Variants in PCDHA6 observed in about 807,000 individuals in gnomAD.
PCDHA6 encodes the protein protocadherin alpha-6.
A neutral mutation model predicts 60.3 loss-of-function variants in PCDHA6; 55 were observed. The ratio of observed to expected loss-of-function variants is 0.91; its 90% CI spans 0.73 to 1.14. PCDHA6 has a LOEUF of 1.14. Ranked by LOEUF, PCDHA6 falls within the 50% of genes most tolerant of loss-of-function variation. The pLI is 0.00. For synonymous variants in PCDHA6, 652 were observed against 557.9 expected (o/e 1.17, Z -2.38); for missense variants, 1,327 against 1,256.5 (o/e 1.06, Z -0.85).
chr5:140,849,774 G>GTA (rs2150449432), intron 1 of PCDHA6: 1 of 1,598,482 alleles, frequency 6.3e-7, no homozygotes, highest in Non-Finnish European at 8.6e-7. Context: ...GGTGGTTACC[G>GTA]CGCGGGACGG....
intron 1 of PCDHA6, among the ~76,000 whole-genome samples, chr5:140,911,469 A>T (rs1365800005): frequency 3.3e-5 from 5 of 151,880 alleles, no homozygotes; most frequent in African/African-American, 9.7e-5. Context: ...AGGAGATAAG[A>T]CTCTCACTCA....
chr5:140,899,249 G>A (rs1256693010), intron 1 of PCDHA6, among the ~76,000 whole-genome samples: 9 of 152,122 alleles, frequency 5.9e-5, no homozygotes, highest in African/African-American at 2.2e-4. Context: ...TGGTGAGAGA[G>A]GGCATCCCTG....
intron 1 of PCDHA6, among the ~76,000 whole-genome samples, chr5:140,922,507 C>G (rs2080870221): frequency 1.3e-5 from 2 of 152,154 alleles, no homozygotes; most frequent in Non-Finnish European, 2.9e-5. Flanking sequence ...AGCAGATGCA[C>G]CATTATTTCA....
intron 1 of PCDHA6, among the ~76,000 whole-genome samples, chr5:140,887,189 C>T (rs1268664594): frequency 6.6e-6 from 1 of 151,836 alleles, no homozygotes; most frequent in Non-Finnish European, 1.5e-5. Context: ...CTCCACCTCC[C>T]GGGTTCACGC....
At chr5:140,930,420 A>T (rs996872425) in intron 1 of PCDHA6, 2 of 151,962 alleles carry the variant, frequency 1.3e-5, no homozygotes, top group Non-Finnish European at 2.9e-5. Context: ...CAGGGGTCTC[A>T]CTATGTTGCC....
At chr5:140,873,722 G>A (rs371744747) in intron 1 of PCDHA6, among the ~76,000 whole-genome samples, 2 of 152,198 alleles carry the variant, frequency 1.3e-5, no homozygotes, top group South Asian at 2.1e-4. Flanking sequence ...GTGCAGTGGC[G>A]CAATCTCAGC....
intron 3 of PCDHA6, among the ~76,000 whole-genome samples, chr5:140,991,081 AAAATT>A (rs782742337): frequency 6.6e-6 from 1 of 152,236 alleles, no homozygotes. Flanking sequence ...TTCAGATAAA[AAAATT>A]AAAGCTCATA....
At position 140,963,092 on chromosome 5, in the gene PCDHA6, C is replaced by T. The variant is rs1202521389; in HGVS notation, c.2395-15857C>T. Among the ~76,000 whole-genome samples, 3 of 151,976 alleles carry T rather than the reference C, an allele frequency of 2.0e-5. No homozygotes were observed. The South Asian group carries it at 6.2e-4, about 32-fold the overall frequency. On this transcript the variant is annotated intron_variant, in intron 1 of 3. Transcript: ENST00000529310. Reference sequence around the variant, plus strand: ...GGAGACAGAAATATAAGACATGGCTCCTGCTTTCAGGTTGCTTATAATTAA... The same window carrying T: ...GGAGACAGAAATATAAGACATGGCTTCTGCTTTCAGGTTGCTTATAATTAA...
At chr5:140,835,660 C>T (rs1773814607) in intron 1 of PCDHA6, 8 of 1,613,932 alleles carry the variant, frequency 5.0e-6, no homozygotes, top group Middle Eastern at 1.7e-4. Flanking sequence ...CTGGTGGTTA[C>T]CGCGCGGGAC....
chr5:140,985,739 C>CTTTT (rs11372071), intron 3 of PCDHA6, among the ~76,000 whole-genome samples: 9 of 117,918 alleles, frequency 7.6e-5, no homozygotes, highest in East Asian at 2.5e-4. Flanking sequence ...TGATGAATTC[C>CTTTT]TTTTTTTTTT....
Position 140,828,802 on chromosome 5 carries a change from T to C in PCDHA6, c.711T>C (p.Asp237=), listed in dbSNP as rs2150159196. The C allele has an allele frequency of 2.6e-5, 42 of 1,614,232 alleles. No individual in the cohort carries two copies. The highest frequency in any genetic ancestry group is 3.5e-5 in the Non-Finnish European group (41 of 1,180,038). Residue 237 remains aspartate (D), a synonymous_variant, in exon 1 of 4, where the codon GAT becomes GAC. Transcript: ENST00000529310. The part of the protein sequence containing the change: ...QLLVTVLDVN[D]NAPTFEQSEY... ...TGGTCACAGTGCTGGATGTGAATGA[T>C]AATGCTCCCACTTTCGAACAGTCTG... is the stretch of plus-strand genomic sequence containing the variant.
At chr5:140,879,084 G>T (rs927310887) in intron 1 of PCDHA6, among the ~76,000 whole-genome samples, 1 of 152,174 alleles carries the variant, frequency 6.6e-6, no homozygotes, top group Non-Finnish European at 1.5e-5. Flanking sequence ...AGATAAGTAG[G>T]AACAACTGCA....
At chr5:140,962,676 G>C (rs1201696145) in intron 1 of PCDHA6, among the ~76,000 whole-genome samples, 1 of 152,126 alleles carries the variant, frequency 6.6e-6, no homozygotes, top group Non-Finnish European at 1.5e-5. Context: ...CCATCCACTG[G>C]ATGTTTTATC....
chr5:140,915,542 G>T (rs1253663657), intron 1 of PCDHA6, among the ~76,000 whole-genome samples: 2 of 152,030 alleles, frequency 1.3e-5, no homozygotes, highest in Admixed American at 6.6e-5. Context: ...TGGAGGTCTT[G>T]AATAAGATCC....
chr5:140,881,326 C>G, intron 1 of PCDHA6: 1 of 984,388 alleles, frequency 1.0e-6, no homozygotes, highest in Non-Finnish European at 1.2e-6. Flanking sequence ...TTCTATTTAA[C>G]CAGGACGCCG....
chr5:140,928,690 A>AT lies in PCDHA6; in HGVS notation c.2395-50258dup, dbSNP rs2085447249. On this transcript the variant is annotated intron_variant, in intron 1 of 3. Transcript: ENST00000529310. ...TTCTAATGCCTGGCTTTCCTACCAC[A>AT]TCTCCCGGGCGTCTGACTCTAGTCT... 6 of 1,614,180 alleles carry AT rather than the reference A, an allele frequency of 3.7e-6. No homozygotes were observed. The African/African-American group carries it at 4.0e-5, about 11-fold the overall frequency.
At chr5:140,861,448 AC>A in intron 1 of PCDHA6, 2 of 493,166 alleles carry the variant, frequency 4.1e-6, no homozygotes, top group Non-Finnish European at 8.3e-6. Context: ...AGCCGCAGAA[AC>A]CTTCTGGAGG....
chr5:140,842,004 T>C, intron 1 of PCDHA6: 11 of 1,613,808 alleles, frequency 6.8e-6, no homozygotes, highest in Non-Finnish European at 8.5e-6. Flanking sequence ...ACTGTTCAGC[T>C]GCTGGTCACA....
intron 1 of PCDHA6, among the ~76,000 whole-genome samples, chr5:140,844,348 A>T (rs1466711189): frequency 6.7e-6 from 1 of 149,514 alleles, no homozygotes; most frequent in Non-Finnish European, 1.5e-5. Context: ...AAGTAAAATC[A>T]AGAGGGAAGA....
Sources: gnomAD v4.1 joint callset for allele counts (sites outside exome capture counted in the v4.1 genomes callset) on GRCh38, gnomAD v4.1.1 for gene constraint, MANE v1.5 for transcripts, NCBI Gene and HGNC (gene_info 2026-07-23, HGNC 2026-07-21) for gene names.